LIG1: variants seen among roughly 807,000 people sequenced by gnomAD.
The protein encoded by LIG1 is DNA ligase 1, also known as ligase I, DNA, ATP-dependent.
Under a neutral mutation model 115.7 loss-of-function variants are expected in LIG1, and 70 were observed. The ratio of observed to expected loss-of-function variants is 0.60; its 90% CI spans 0.50 to 0.74. The LOEUF (loss-of-function observed/expected upper bound fraction) is 0.74. Among genes scored for constraint, LIG1 ranks in the 30% least tolerant of loss-of-function variants. The pLI, the probability that LIG1 is intolerant of heterozygous loss-of-function variation, is 0.00. For missense variants in LIG1, 1,115 were observed against 1,225.6 expected, an observed-to-expected ratio of 0.91 and a Z score of 1.35; for synonymous variants, 487 against 495.3, an observed-to-expected ratio of 0.98 and a Z score of 0.22.
At position 48,127,259 on chromosome 19, in the gene LIG1, C is replaced by A; in HGVS notation, c.2004+18G>T. Reference sequence around the variant, plus strand: ...CCGTCACCCCTCAGCTGCCCCTGGACAGGAAGCTGGAACTCACCTCTCCAT... The same window carrying A: ...CCGTCACCCCTCAGCTGCCCCTGGAAAGGAAGCTGGAACTCACCTCTCCAT... On this transcript the variant is annotated intron_variant, in intron 21 of 27. Coordinates refer to ENST00000263274, the MANE Select transcript of LIG1 (RefSeq NM_000234.3). 6.2e-7 allele frequency: 1 copy of A among 1,609,212 alleles called. No homozygotes were observed. The highest frequency in any genetic ancestry group is 8.5e-7 in the Non-Finnish European group (1 of 1,175,896).
At chr19:48,126,199 C>A (rs1412458834) in intron 21 of LIG1, among the ~76,000 whole-genome samples, 1 of 152,064 alleles carries the variant, frequency 6.6e-6, no homozygotes. Flanking sequence ...GTAGCCATGC[C>A]GCTAGGAAGG....
At position 48,127,785 on chromosome 19, in the gene LIG1, G is replaced by A. The variant is rs911230081; in HGVS notation, c.1932+125C>T. 7 of 841,270 alleles carry A rather than the reference G, an allele frequency of 8.3e-6. No individual in the cohort carries two copies. In the Admixed American group the frequency reaches 1.2e-4, roughly 14 times the overall value. 52.1% of individuals were successfully genotyped at this position (841,270 alleles called of 1,614,324 possible). ...AGCTGTGGCAGCCATTCTGCAGAAG[G>A]CTGAGAGAAGTGCATCCAGACTGAC... On this transcript the variant is annotated intron_variant, in intron 20 of 27. Transcript: ENST00000263274.
rs1410302716 is a variant in LIG1, at chr19:48,127,954, T to G, written c.1888A>C (p.Lys630Gln). The G allele has an allele frequency of 6.2e-7, 1 of 1,614,046 alleles. No individual in the cohort carries two copies. Among genetic ancestry groups the G allele is most frequent in the African/African-American group, 1.3e-5 (1 of 74,904 alleles). Residue 630 changes from lysine to glutamine, a missense_variant, in exon 20 of 28, where the codon AAG (lysine) becomes CAG (glutamine). Lys to Gln is a moderately conservative substitution (Grantham distance 53). Coordinates refer to ENST00000263274, the MANE Select transcript of LIG1 (RefSeq NM_000234.3). ...TEAVAWDREKKQIQPFQVLTT... is the reference protein window; with the variant it reads ...TEAVAWDREKQQIQPFQVLTT... ...AGCACTTGGAATGGCTGGATCTGCT[T>G]CTTTTCCCGGTCCCAAGCCACGGCT...
At chr19:48,167,976 A>C (rs1438821577) in intron 1 of LIG1, among the ~76,000 whole-genome samples, 1 of 152,148 alleles carries the variant, frequency 6.6e-6, no homozygotes, top group Non-Finnish European at 1.5e-5. Flanking sequence ...AGCCACCAAA[A>C]TCCTGAGGGC....
At chr19:48,150,047 C>T (rs780358866) in intron 8 of LIG1, 41 bp downstream of exon 8, 3 of 1,613,832 alleles carry the variant, frequency 1.9e-6, no homozygotes, top group Non-Finnish European at 1.7e-6. Context: ...AGCCTCCTGC[C>T]TGTACAACCC....
intron 16 of LIG1, 71 bp from the exon 17 acceptor site, chr19:48,134,137 G>A: frequency 1.0e-5 from 14 of 1,404,832 alleles, no homozygotes; most frequent in Non-Finnish European, 1.4e-5. Flanking sequence ...AGAGAGCTCG[G>A]CCTGCTCCCA....
rs1345374150 is a variant in LIG1, at chr19:48,135,676, T to G, written c.1523+4A>C. ...GGCAACTCCACCCACTGCCCAGCTC[T>G]CACCAGAACGTCTGCTTCAGGATCA... On this transcript the variant is annotated splice_donor_region_variant and intron_variant, in intron 16 of 27. Transcript: ENST00000263274. The G allele has an allele frequency of 6.2e-7, 1 of 1,612,624 alleles. No individual in the cohort carries two copies.
rs1416544544 is a variant in LIG1, at chr19:48,162,355, G to C, written c.18-4C>G. Reference sequence around the variant, plus strand: ...TTTCTTGGGGTGGAAAAATGACCTAGAGGAGCATAAAAGGGGGTAAAAAAA... The same window carrying C: ...TTTCTTGGGGTGGAAAAATGACCTACAGGAGCATAAAAGGGGGTAAAAAAA... On this transcript the variant is annotated splice_region_variant and splice_polypyrimidine_tract_variant and intron_variant, in intron 2 of 27. Coordinates refer to ENST00000263274, the MANE Select transcript of LIG1 (RefSeq NM_000234.3). 2 of 1,611,250 alleles carry C rather than the reference G, an allele frequency of 1.2e-6. No homozygotes were observed. The highest frequency in any genetic ancestry group is 2.2e-5 in the South Asian group (2 of 91,002).
At chr19:48,159,281 T>A (rs1280651403) in intron 4 of LIG1, among the ~76,000 whole-genome samples, 3 of 152,170 alleles carry the variant, frequency 2.0e-5, no homozygotes, top group African/African-American at 4.8e-5. Flanking sequence ...TATGTTGGCC[T>A]GGCTGCTCTC....
rs1054568230 is a variant in LIG1 at position 48,149,211 on chromosome 19, C to T, written c.776+552G>A. Among the ~76,000 whole-genome samples the T allele has an allele frequency of 7.9e-5, 12 of 152,270 alleles. No homozygotes were observed. The East Asian group carries it at 2.1e-3, about 27-fold the overall frequency. ...TGTAATCCCAGCTACCTGGGAGAAT[C>T]GCTTGAACCTGGGAGGTGGAGGCTG... On this transcript the variant is annotated intron_variant, in intron 9 of 27. Transcript: ENST00000263274.
chr19:48,141,971 T>A (rs1332860500), intron 11 of LIG1, among the ~76,000 whole-genome samples: 2 of 152,150 alleles, frequency 1.3e-5, no homozygotes, highest in East Asian at 3.9e-4. Context: ...GCATAGTGAA[T>A]GAAGGTAGGC....
At position 48,137,128 on chromosome 19, in the gene LIG1, G is replaced by C; in HGVS notation, c.1255-44C>G. On this transcript the variant is annotated intron_variant, in intron 13 of 27. Transcript: ENST00000263274. The surrounding 1 kb of genome is among the most constrained non-coding windows in gnomAD (Gnocchi z 4.3). ...AGCCGTCAGTGCCTGGTGAAGGCAG[G>C]GACCACACCTCCACCCCACCAGCCG... 6.8e-7 allele frequency: 1 copy of C among 1,462,044 alleles called. No homozygotes were observed. The highest frequency in any genetic ancestry group is 9.5e-7 in the Non-Finnish European group (1 of 1,048,464). 90.6% of individuals were successfully genotyped at this position (1,462,044 alleles called of 1,614,324 possible). A position where few individuals can be genotyped will look rare whatever the true frequency, so the allele number is the denominator to read the frequency against.
At chr19:48,121,068 G>C (rs1180894465) in intron 24 of LIG1, 102 bp downstream of exon 24, 16 of 1,598,742 alleles carry the variant, frequency 1.0e-5, no homozygotes, top group Non-Finnish European at 1.3e-5. Context: ...CTTCACAGGG[G>C]GATGTGAGCA....
At chr19:48,138,780 C>G (rs3730958) in intron 12 of LIG1, among the ~76,000 whole-genome samples, 1,696 of 152,310 alleles carry the variant, frequency 0.011, 38 homozygotes, top group African/African-American at 0.037. Flanking sequence ...CCTTCTTTGT[C>G]CAAGCCAATG....
In LIG1 at chr19:48,140,112, G is replaced by GC. The variant is rs770639973; in HGVS notation, c.945dup (p.Leu316AlafsTer36). 3.1e-6 allele frequency: 5 copies of GC among 1,613,654 alleles called. No individual in the cohort carries two copies. The highest frequency in any genetic ancestry group is 3.4e-6 in the Non-Finnish European group (4 of 1,180,042). ...GGCGACAGGGCCACCACGGAGCGCA[G>GC]CAAGTTGCTCAGCGTCTCCACCATC... On this transcript the variant is annotated frameshift_variant, in exon 12 of 28. Transcript: ENST00000263274. LOFTEE classifies it high-confidence loss of function.
At chr19:48,162,144 C>G in intron 3 of LIG1, 118 bp downstream of exon 3, 2 of 892,950 alleles carry the variant, frequency 2.2e-6, no homozygotes, top group South Asian at 1.4e-5. Flanking sequence ...TTCTGGCCAC[C>G]TGGCTGAAAA....
intron 1 of LIG1, among the ~76,000 whole-genome samples, chr19:48,169,225 G>T (rs550230207): frequency 1.3e-5 from 2 of 152,242 alleles, no homozygotes; most frequent in African/African-American, 4.8e-5. Flanking sequence ...TGTGGAGAGG[G>T]AACTGTTCTA....
chr19:48,141,814 C>G (rs1466554638), intron 11 of LIG1, among the ~76,000 whole-genome samples: 1 of 152,126 alleles, frequency 6.6e-6, no homozygotes, highest in African/African-American at 2.4e-5. Context: ...AGGGAAATCC[C>G]TCAGTAATCA....
intron 25 of LIG1, chr19:48,118,575 G>A (rs1468452983): frequency 1.8e-5 from 2 of 111,186 alleles, no homozygotes; most frequent in African/African-American, 3.6e-5. Flanking sequence ...GTCTCACTCT[G>A]TTTCCCAGGC....
Sources: gnomAD v4.1 joint callset for allele counts (sites outside exome capture counted in the v4.1 genomes callset) on GRCh38, gnomAD v4.1.1 for gene constraint, Gnocchi (gnomAD v3.1) non-coding constraint, MANE v1.5 for transcripts, NCBI Gene and HGNC (gene_info 2026-07-23, HGNC 2026-07-21) for gene names.